KIAA1958: variants seen among roughly 807,000 people sequenced by gnomAD.
The protein encoded by KIAA1958 is KIAA1958.
In KIAA1958, 14 loss-of-function variants were observed where a neutral mutation model predicts 47.2. The observed-to-expected ratio is 0.30, with a 90% confidence interval of 0.20 to 0.46. The LOEUF (loss-of-function observed/expected upper bound fraction) is 0.46, where lower values mean the gene tolerates loss of function less well. Ranked by LOEUF, KIAA1958 falls within the 20% of genes least tolerant of loss-of-function variation. The pLI is 1.00. For synonymous variants in KIAA1958, 354 were observed against 353.3 expected (o/e 1.00, Z -0.02); for missense variants, 803 against 909.2 (o/e 0.88, Z 1.50).
At chr9:112,525,816 C>G (rs1243193370) in intron 1 of KIAA1958, among the ~76,000 whole-genome samples, 1 of 150,910 alleles carries the variant, frequency 6.6e-6, no homozygotes, top group Non-Finnish European at 1.5e-5. Flanking sequence ...CCGCAATTTA[C>G]TGAATCTGGG....
chr9:112,492,806 C>G (rs548964340), intron 1 of KIAA1958, among the ~76,000 whole-genome samples: 6 of 152,064 alleles, frequency 3.9e-5, no homozygotes, highest in Admixed American at 1.3e-4. Context: ...ATGGAGCGCA[C>G]TAACGTGATC....
intron 2 of KIAA1958, among the ~76,000 whole-genome samples, chr9:112,634,511 G>A (rs908102074): frequency 9.2e-5 from 14 of 152,148 alleles, no homozygotes; most frequent in South Asian, 2.1e-4. Context: ...GATTACAGGC[G>A]TGAGCCACCG....
At chr9:112,653,655 C>G (rs1041623664) in intron 3 of KIAA1958, among the ~76,000 whole-genome samples, 13 of 152,188 alleles carry the variant, frequency 8.5e-5, no homozygotes, top group Non-Finnish European at 1.9e-4. Flanking sequence ...AATTCCAACA[C>G]TTTGGGAGGC....
intron 2 of KIAA1958, among the ~76,000 whole-genome samples, chr9:112,622,688 A>C (rs1351658438): frequency 6.6e-6 from 1 of 152,210 alleles, no homozygotes; most frequent in Non-Finnish European, 1.5e-5. Flanking sequence ...ACAAAAGAGT[A>C]GTCTGAAAAT....
At chr9:112,581,538 C>T (rs367575252) in intron 2 of KIAA1958, among the ~76,000 whole-genome samples, 2 of 152,152 alleles carry the variant, frequency 1.3e-5, no homozygotes, top group African/African-American at 2.4e-5. Context: ...CCAGCCTCCC[C>T]CAAGCCCTCA....
At chr9:112,589,565 A>G (rs1051057482) in intron 2 of KIAA1958, among the ~76,000 whole-genome samples, 15 of 152,214 alleles carry the variant, frequency 9.9e-5, no homozygotes, top group Non-Finnish European at 1.9e-4. Context: ...CTGAGCAACA[A>G]GAGTGAAACT....
At chr9:112,645,846 C>A in intron 3 of KIAA1958, 24 bp downstream of exon 3, 1 of 1,604,070 alleles carries the variant, frequency 6.2e-7, no homozygotes, top group Non-Finnish European at 8.5e-7. Context: ...GAGTTTACTT[C>A]TTTCAGCCAA....
At chr9:112,495,908 T>C (rs532538488) in intron 1 of KIAA1958, among the ~76,000 whole-genome samples, 1 of 152,328 alleles carries the variant, frequency 6.6e-6, no homozygotes, top group African/African-American at 2.4e-5. Flanking sequence ...GAGACCACTA[T>C]ATAAGGACGT....
chr9:112,557,204 C>G (rs1224630870), intron 1 of KIAA1958, among the ~76,000 whole-genome samples: 1 of 152,148 alleles, frequency 6.6e-6, no homozygotes, highest in East Asian at 1.9e-4. Flanking sequence ...AAGCAGTCCT[C>G]CCTGGTTGGC....
chr9:112,630,643 T>C (rs1015822090), intron 2 of KIAA1958, among the ~76,000 whole-genome samples: 22 of 152,094 alleles, frequency 1.4e-4, no homozygotes, highest in African/African-American at 4.6e-4. Context: ...CGAATAGGAA[T>C]GGTTCTCCAA....
chr9:112,502,362 A>G (rs574567414), intron 1 of KIAA1958, among the ~76,000 whole-genome samples: 10 of 11,220 alleles, frequency 8.9e-4, no homozygotes. Flanking sequence ...TTGCTGAGTC[A>G]TGGCTCATGC....
chr9:112,518,735 T>C (rs1251831959), intron 1 of KIAA1958, among the ~76,000 whole-genome samples: 3 of 152,158 alleles, frequency 2.0e-5, no homozygotes, highest in Non-Finnish European at 4.4e-5. Flanking sequence ...ATTTCAATTA[T>C]ATTCCAATAA....
chr9:112,626,048 C>T lies in KIAA1958; in HGVS notation c.1172-19602C>T, dbSNP rs936969580. ...TTTTAGTCTGGCAAGTTTTACAAATCGTATTTAAAGTTTTGGGACATATCC... is the reference window on the plus strand; with the variant it reads ...TTTTAGTCTGGCAAGTTTTACAAATTGTATTTAAAGTTTTGGGACATATCC... On this transcript the variant is annotated intron_variant, in intron 2 of 3. Transcript: ENST00000337530. Among the ~76,000 whole-genome samples, 8 of 152,142 alleles carry T rather than the reference C, an allele frequency of 5.3e-5. No homozygotes were observed. In the South Asian group the frequency reaches 1.5e-3, roughly 28 times the overall value.
At chr9:112,500,073 A>C (rs962883698) in intron 1 of KIAA1958, among the ~76,000 whole-genome samples, 27 of 152,216 alleles carry the variant, frequency 1.8e-4, no homozygotes, top group African/African-American at 6.0e-4. Flanking sequence ...TGATTGCCTC[A>C]GAAGTTTAGG....
intron 1 of KIAA1958, among the ~76,000 whole-genome samples, chr9:112,568,887 CAA>C (rs71382445): frequency 0.036 from 2,609 of 73,100 alleles, 134 homozygotes; most frequent in African/African-American, 0.13. Flanking sequence ...GACCTTGTCT[CAA>C]AAAAAAAAAA....
intron 1 of KIAA1958, among the ~76,000 whole-genome samples, chr9:112,530,832 G>A (rs1272646425): frequency 6.6e-6 from 1 of 152,156 alleles, no homozygotes; most frequent in East Asian, 1.9e-4. Context: ...CACAATATTT[G>A]GCTTTTGGTT....
chr9:112,502,426 C>T (rs1834158421), intron 1 of KIAA1958, among the ~76,000 whole-genome samples: 1 of 2,214 alleles, frequency 4.5e-4, no homozygotes, highest in Admixed American at 5.0e-3. Flanking sequence ...GTTTAAAACT[C>T]ATAAATGCTG....
intron 2 of KIAA1958, among the ~76,000 whole-genome samples, chr9:112,635,306 A>C (rs1228021393): frequency 6.7e-6 from 1 of 148,412 alleles, no homozygotes; most frequent in Non-Finnish European, 1.5e-5. Context: ...GCTGGAGTGC[A>C]GTGGTGCAAT....
intron 2 of KIAA1958, among the ~76,000 whole-genome samples, chr9:112,635,441 A>C (rs11793489): frequency 0.11 from 16,724 of 152,078 alleles, 1,134 homozygotes; most frequent in South Asian, 0.19. Context: ...TTGTAGAGAC[A>C]GAGTTTTGCC....
Sources: gnomAD v4.1 joint callset for allele counts (sites outside exome capture counted in the v4.1 genomes callset) on GRCh38, gnomAD v4.1.1 for gene constraint, MANE v1.5 for transcripts, NCBI Gene and HGNC (gene_info 2026-07-23, HGNC 2026-07-21) for gene names.